SOX6: variants seen among roughly 807,000 people sequenced by gnomAD.
SOX6 encodes the protein transcription factor SOX-6.
Under a neutral mutation model 97.8 loss-of-function variants are expected in SOX6, and 11 were observed. That is an observed-to-expected ratio of 0.11 (90% CI 0.07 to 0.19). SOX6 has a LOEUF of 0.19. SOX6 is among the 10% of genes least tolerant of loss of function. SOX6 has a pLI of 1.00. For missense variants in SOX6, 810 were observed against 1,039.5 expected, an observed-to-expected ratio of 0.78 and a Z score of 3.04; for synonymous variants, 360 against 371.4, an observed-to-expected ratio of 0.97 and a Z score of 0.35.
At chr11:16,316,179 T>G (rs1855754111) in intron 3 of SOX6, 1 of 152,008 alleles carries the variant, frequency 6.6e-6, no homozygotes, top group African/African-American at 2.4e-5. Flanking sequence ...AGCTGGGATT[T>G]GGGTCACAAC....
chr11:16,257,592 A>T (rs1853732451), intron 3 of SOX6, among the ~76,000 whole-genome samples: 2 of 151,944 alleles, frequency 1.3e-5, no homozygotes, highest in African/African-American at 4.8e-5. Flanking sequence ...AAAACACAAA[A>T]CTAAAAAATT....
At chr11:16,567,980 C>T (rs1232319785) in intron 4 of SOX6, among the ~76,000 whole-genome samples, 1 of 151,680 alleles carries the variant, frequency 6.6e-6, no homozygotes, top group Non-Finnish European at 1.5e-5. Flanking sequence ...ACAGTGATGC[C>T]AAACAACCAC....
chr11:16,444,737 G>T (rs904443811), intron 1 of SOX6, among the ~76,000 whole-genome samples: 1 of 152,046 alleles, frequency 6.6e-6, no homozygotes, highest in Non-Finnish European at 1.5e-5. Flanking sequence ...GCAGATATTT[G>T]ATGAGACTAT....
At chr11:16,448,752 G>T (rs922031546) in intron 1 of SOX6, among the ~76,000 whole-genome samples, 1 of 152,026 alleles carries the variant, frequency 6.6e-6, no homozygotes, top group African/African-American at 2.4e-5. Context: ...ATATTACAGG[G>T]CAAGTACAGT....
chr11:16,492,683 C>T (rs1393151997), intron 4 of SOX6, among the ~76,000 whole-genome samples: 1 of 152,150 alleles, frequency 6.6e-6, no homozygotes, highest in Non-Finnish European at 1.5e-5. Flanking sequence ...CTATCAGTAC[C>T]CTAGTCCTCA....
intron 3 of SOX6, among the ~76,000 whole-genome samples, chr11:16,293,064 T>C (rs1480413112): frequency 6.6e-6 from 1 of 152,136 alleles, no homozygotes; most frequent in African/African-American, 2.4e-5. Context: ...GAGAAAAAAA[T>C]CTAATTAAAT....
intron 1 of SOX6, among the ~76,000 whole-genome samples, chr11:16,352,330 A>C (rs1297271912): frequency 6.6e-6 from 1 of 151,856 alleles, no homozygotes; most frequent in Non-Finnish European, 1.5e-5. Flanking sequence ...GAGATGGTTG[A>C]AAAGATACAT....
intron 9 of SOX6, among the ~76,000 whole-genome samples, chr11:16,057,102 C>T (rs910882176): frequency 1.3e-5 from 2 of 152,094 alleles, no homozygotes; most frequent in Non-Finnish European, 1.5e-5. Flanking sequence ...CCCTTCAATT[C>T]ATTTAATGGT....
At chr11:16,318,340 A>T in intron 3 of SOX6, 106 bp downstream of exon 3, 1 of 1,223,776 alleles carries the variant, frequency 8.2e-7, no homozygotes, top group Non-Finnish European at 1.2e-6. Context: ...AGCTAGTGAC[A>T]ATTATGCACT....
intron 13 of SOX6, among the ~76,000 whole-genome samples, chr11:15,994,648 A>C (rs1854167688): frequency 6.6e-6 from 1 of 152,168 alleles, no homozygotes; most frequent in African/African-American, 2.4e-5. Context: ...TGAATTGATA[A>C]TAAAGAATAG....
chr11:16,560,438 CAT>C lies in SOX6; in HGVS notation n.609+51641_609+51642del, dbSNP rs201096235. Among the ~76,000 whole-genome samples the C allele has an allele frequency of 1.7e-3, 204 of 123,552 alleles. 1 individual carries two copies. Among genetic ancestry groups the C allele is most frequent in the East Asian group, 8.8e-3 (39 of 4,432 alleles). 81.1% of individuals were successfully genotyped at this position (123,552 alleles called of 152,430 possible). A position where few individuals can be genotyped will look rare whatever the true frequency, so the allele number is the denominator to read the frequency against. Reference sequence around the variant, plus strand: ...ATATACGTACATATGTTTATACGTACATATATGTTTATACGTACATATATGTT... The same window carrying C: ...ATATACGTACATATGTTTATACGTACATATGTTTATACGTACATATATGTT... On this transcript the variant is annotated intron_variant and non_coding_transcript_variant, in intron 4 of 5. Coordinates refer to the SOX6 transcript ENST00000524520.
intron 3 of SOX6, among the ~76,000 whole-genome samples, chr11:16,285,322 C>T (rs978130632): frequency 2.4e-4 from 36 of 152,028 alleles, no homozygotes; most frequent in Admixed American, 2.0e-3. Flanking sequence ...CATCTGAGGT[C>T]AGGAGTTCGA....
chr11:16,089,410 C>T (rs932467680), intron 9 of SOX6, among the ~76,000 whole-genome samples: 1 of 152,096 alleles, frequency 6.6e-6, no homozygotes, highest in African/African-American at 2.4e-5. Context: ...AATCCACATA[C>T]TACCCACATA....
intron 3 of SOX6, among the ~76,000 whole-genome samples, chr11:16,634,131 A>G (rs923428067): frequency 2.0e-5 from 3 of 152,204 alleles, no homozygotes; most frequent in African/African-American, 7.2e-5. Flanking sequence ...AAAAGAAAAT[A>G]TGTTCATAAT....
At chr11:16,129,626 C>T (rs538899286) in intron 6 of SOX6, among the ~76,000 whole-genome samples, 20 of 152,050 alleles carry the variant, frequency 1.3e-4, no homozygotes, top group Admixed American at 4.6e-4. Flanking sequence ...ATTGTGGGAA[C>T]GCAAGGTTGG....
At chr11:16,617,039 C>A (rs938293659) in intron 3 of SOX6, among the ~76,000 whole-genome samples, 3 of 151,712 alleles carry the variant, frequency 2.0e-5, no homozygotes, top group Non-Finnish European at 4.4e-5. Context: ...ATGATACATA[C>A]AAGATAGAGA....
chr11:16,228,110 A>C (rs968797475), intron 4 of SOX6, among the ~76,000 whole-genome samples: 1 of 151,988 alleles, frequency 6.6e-6, no homozygotes, highest in African/African-American at 2.4e-5. Flanking sequence ...AGGCAGGAGA[A>C]TCGCTTGAAC....
At chr11:16,315,732 T>A (rs1298529288) in intron 3 of SOX6, 1 of 152,214 alleles carries the variant, frequency 6.6e-6, no homozygotes, top group Non-Finnish European at 1.5e-5. Flanking sequence ...CTAGACAGTA[T>A]AAACCCAATC....
intron 2 of SOX6, among the ~76,000 whole-genome samples, chr11:16,319,649 A>G (rs1441674724): frequency 6.6e-6 from 1 of 151,948 alleles, no homozygotes; most frequent in African/African-American, 2.4e-5. Flanking sequence ...AGCTTCATCC[A>G]TGTCCCTACA....
Sources: allele counts gnomAD v4.1 joint callset (sites outside exome capture counted in the v4.1 genomes callset), GRCh38; gene constraint gnomAD v4.1.1; transcripts MANE v1.5; gene names NCBI Gene and HGNC (gene_info 2026-07-23, HGNC 2026-07-21).